Variants in DIAPH3 observed in about 807,000 individuals in gnomAD.
The protein encoded by DIAPH3 is diaphanous related formin 3.
A neutral mutation model predicts 144.3 loss-of-function variants in DIAPH3; 117 were observed. The ratio of observed to expected loss-of-function variants is 0.81; its 90% CI spans 0.70 to 0.95. The LOEUF is 0.95. Among genes scored for constraint, DIAPH3 ranks in the 40% least tolerant of loss-of-function variants. The pLI, the probability that DIAPH3 is intolerant of heterozygous loss-of-function variation, is 0.00. For synonymous variants in DIAPH3, 519 were observed against 488.9 expected (o/e 1.06, Z -0.81); for missense variants, 1,421 against 1,412.7 (o/e 1.01, Z -0.09).
intron 20 of DIAPH3, among the ~76,000 whole-genome samples, chr13:59,901,967 G>A (rs1593903329): frequency 6.6e-6 from 1 of 152,276 alleles, no homozygotes; most frequent in East Asian, 1.9e-4. Context: ...ATCATCTAAT[G>A]AGAGTGCAAA....
In DIAPH3 at chr13:59,936,447, C is replaced by A. The variant is rs1594051504; in HGVS notation, c.2075-11577G>T. Among the ~76,000 whole-genome samples, 7 of 152,162 alleles carry A rather than the reference C, an allele frequency of 4.6e-5. No homozygotes were observed. In the South Asian group the frequency reaches 1.4e-3, roughly 32 times the overall value. ...TTTAACTAGCAGAAAAACAAGAGTT[C>A]AAATCAAATAAAATATTAACACCAT... On this transcript the variant is annotated intron_variant, in intron 17 of 27. Coordinates refer to ENST00000400324, the MANE Select transcript of DIAPH3 (RefSeq NM_001042517.2).
At chr13:60,085,856 A>G (rs1012091588) in intron 4 of DIAPH3, among the ~76,000 whole-genome samples, 2 of 152,126 alleles carry the variant, frequency 1.3e-5, no homozygotes, top group Non-Finnish European at 2.9e-5. Flanking sequence ...TATATTCACA[A>G]AAATCTAAAA....
chr13:59,729,643 C>CA (rs527884436), intron 27 of DIAPH3, among the ~76,000 whole-genome samples: 201 of 149,492 alleles, frequency 1.3e-3, no homozygotes, highest in African/African-American at 3.8e-3. Flanking sequence ...AACCCACATA[C>CA]AAAAAAAAAT....
chr13:59,940,643 T>C (rs974864945), intron 17 of DIAPH3, among the ~76,000 whole-genome samples: 2 of 152,176 alleles, frequency 1.3e-5, no homozygotes, highest in African/African-American at 2.4e-5. Flanking sequence ...ATCCTTTTTT[T>C]CCCAATTAAA....
intron 27 of DIAPH3, among the ~76,000 whole-genome samples, chr13:59,679,838 A>T (rs1347985356): frequency 3.9e-5 from 6 of 152,262 alleles, no homozygotes; most frequent in Non-Finnish European, 7.3e-5. Flanking sequence ...CACAAAAAGA[A>T]TAAATTACAT....
At chr13:60,036,915 A>ATTT (rs1458980248) in intron 5 of DIAPH3, among the ~76,000 whole-genome samples, 1 of 152,128 alleles carries the variant, frequency 6.6e-6, no homozygotes, top group African/African-American at 2.4e-5. Flanking sequence ...ACTTGACAAA[A>ATTT]CAATGGCAAA....
intron 11 of DIAPH3, among the ~76,000 whole-genome samples, chr13:59,991,604 C>G (rs1196355114): frequency 6.6e-6 from 1 of 151,854 alleles, no homozygotes; most frequent in African/African-American, 2.4e-5. Flanking sequence ...AGCTGGTGGT[C>G]AGGTTAATTA....
intron 27 of DIAPH3, among the ~76,000 whole-genome samples, chr13:59,675,227 G>A (rs1391342876): frequency 6.6e-6 from 1 of 152,006 alleles, no homozygotes; most frequent in Non-Finnish European, 1.5e-5. Flanking sequence ...CACCATGCCT[G>A]GCTAACTTAA....
chr13:59,917,675 G>T (rs2047287188), intron 18 of DIAPH3, among the ~76,000 whole-genome samples: 1 of 151,854 alleles, frequency 6.6e-6, no homozygotes, highest in African/African-American at 2.4e-5. Flanking sequence ...CGGATCACGA[G>T]GTCAGCAGAT....
At chr13:59,871,513 A>G (rs1171987808) in intron 21 of DIAPH3, among the ~76,000 whole-genome samples, 3 of 151,936 alleles carry the variant, frequency 2.0e-5, no homozygotes, top group Admixed American at 6.6e-5. Flanking sequence ...TGAATGTTAC[A>G]TTTTTTCAAA....
intron 27 of DIAPH3, among the ~76,000 whole-genome samples, chr13:59,732,755 G>T (rs1566235725): frequency 2.6e-5 from 4 of 151,912 alleles, no homozygotes; most frequent in Non-Finnish European, 2.9e-5. Context: ...TGGCCTGATA[G>T]ATATATATAT....
At chr13:59,811,073 A>T in intron 24 of DIAPH3, 150 bp from the exon 25 acceptor site, 1 of 736,628 alleles carries the variant, frequency 1.4e-6, no homozygotes, top group Non-Finnish European at 2.2e-6. Flanking sequence ...TCTAAAAGGT[A>T]TGCACAGAAA....
chr13:60,008,353 G>A lies in DIAPH3; in HGVS notation c.1014+191C>T, dbSNP rs191694312. Among the ~76,000 whole-genome samples, 404 of 152,208 alleles carry A rather than the reference G, an allele frequency of 2.7e-3. 2 individuals carry two copies. The highest frequency in any genetic ancestry group is 8.3e-3 in the African/African-American group (345 of 41,520). On this transcript the variant is annotated intron_variant, in intron 9 of 27. Transcript: ENST00000400324. ...AGAGCTTTCAGTGAGCTGAGAACGC[G>A]CCACTGCACTCCAGCCTGGGCGACA...
intron 21 of DIAPH3, among the ~76,000 whole-genome samples, chr13:59,870,917 G>A (rs576287546): frequency 1.5e-3 from 227 of 152,042 alleles, no homozygotes; most frequent in African/African-American, 5.1e-3. Flanking sequence ...TGATCTGCCC[G>A]CCTCAGCCTC....
At chr13:59,774,970 C>G in intron 25 of DIAPH3, 147 bp from the exon 26 acceptor site, 2 of 687,296 alleles carry the variant, frequency 2.9e-6, no homozygotes, top group Non-Finnish European at 5.2e-6. Flanking sequence ...TAGGACAGGA[C>G]TTTAACTCTC....
intron 27 of DIAPH3, among the ~76,000 whole-genome samples, chr13:59,681,792 C>G (rs2032965703): frequency 6.6e-6 from 1 of 152,058 alleles, no homozygotes; most frequent in African/African-American, 2.4e-5. Flanking sequence ...GATTAAGAAA[C>G]CTGTTCTAAT....
intron 17 of DIAPH3, among the ~76,000 whole-genome samples, chr13:59,949,611 A>G (rs1164307956): frequency 2.0e-5 from 3 of 152,216 alleles, no homozygotes; most frequent in Admixed American, 1.3e-4. Context: ...TAGTTTATAT[A>G]GAGTCTGTGG....
chr13:59,811,057 C>T (rs550182642), intron 24 of DIAPH3, 134 bp from the exon 25 acceptor site: 5 of 825,260 alleles, frequency 6.1e-6, no homozygotes, highest in Admixed American at 2.8e-5. Context: ...GTTAGTAATA[C>T]AGTCTTCTAA....
chr13:60,020,268 C>G (rs753597612), intron 5 of DIAPH3, among the ~76,000 whole-genome samples: 1 of 152,134 alleles, frequency 6.6e-6, no homozygotes, highest in Non-Finnish European at 1.5e-5. Context: ...GAAATAAACA[C>G]AAAGAGATGA....
Sources: gnomAD v4.1 joint callset for allele counts (sites outside exome capture counted in the v4.1 genomes callset) on GRCh38, gnomAD v4.1.1 for gene constraint, MANE v1.5 for transcripts, NCBI Gene and HGNC (gene_info 2026-07-23, HGNC 2026-07-21) for gene names.